Variants in RIBC2 observed in about 807,000 individuals in gnomAD.
The protein encoded by RIBC2 is RIB43A domain with coiled-coils 2, also known as RIB43A-like with coiled-coils protein 2.
RIBC2 carries 40 observed loss-of-function variants against 44.3 expected under a neutral mutation model. That is an observed-to-expected ratio of 0.90 (90% CI 0.70 to 1.18). The LOEUF is 1.18. Among genes scored for constraint, RIBC2 ranks in the 50% most tolerant of loss-of-function variants. RIBC2 has a pLI of 0.00. For synonymous variants in RIBC2, 171 were observed against 175.0 expected (o/e 0.98, Z 0.18); for missense variants, 459 against 485.5 (o/e 0.95, Z 0.51).
rs765224274 is a variant in RIBC2 at position 45,426,023 on chromosome 22, CT to C, written c.752del (p.Leu251ProfsTer31). 1.2e-6 allele frequency: 2 copies of C among 1,614,136 alleles called. No homozygotes were observed. Among genetic ancestry groups the C allele is most frequent in the African/African-American group, 2.7e-5 (2 of 75,068 alleles). ...GGACAACTTGGCCGAGATCACCAAC[CT>C]CCTGCGTGGGGACCTGCTCTCCGAG... ...QEDNLAEITN[L>X]LRGDLLSENP... On this transcript the variant is annotated frameshift_variant, in exon 5 of 7. Coordinates refer to ENST00000614167, the MANE Select transcript of RIBC2 (RefSeq NM_015653.5). LOFTEE classifies it high-confidence loss of function.
rs1425679727 is a variant in RIBC2 at position 45,421,536 on chromosome 22, TA to T, written c.557-752del. Among the ~76,000 whole-genome samples, 6 of 37,840 alleles carry T rather than the reference TA, an allele frequency of 1.6e-4. No individual in the cohort carries two copies. The African/African-American group carries it at 1.8e-3, about 11-fold the overall frequency. The allele number at this position is 37,840 out of a possible 152,430, so 24.8% of individuals were successfully genotyped here. On this transcript the variant is annotated intron_variant, in intron 3 of 6. Transcript: ENST00000614167. ...TTATTAATAATAATAATAGTATTAT[TA>T]ATAATATTAATAATAATAATAGTAT...
intron 3 of RIBC2, among the ~76,000 whole-genome samples, chr22:45,419,997 C>G (rs1013516909): frequency 6.6e-6 from 1 of 152,158 alleles, no homozygotes; most frequent in Non-Finnish European, 1.5e-5. Context: ...CTGCACTCCA[C>G]CCTGGGTGAG....
At position 45,417,693 on chromosome 22, in the gene RIBC2, C is replaced by T. The variant is rs868781409; in HGVS notation, c.303C>T (p.Asp101=). The T allele has an allele frequency of 1.9e-6, 3 of 1,614,108 alleles. No homozygotes were observed. Among genetic ancestry groups the T allele is most frequent in the African/African-American group, 1.3e-5 (1 of 75,022 alleles). ...DRKNLCRAIN[D]FQQSFQKPET... The stretch of plus-strand genomic sequence containing the variant: ...AAAATCTCTGTAGGGCTATCAATGA[C>T]TTCCAACAGAGCTTTCAGAAGCCAG... The change falls in exon 3 of 7, where the codon GAC becomes GAT. Residue 101 remains aspartate (D), a synonymous_variant. Transcript: ENST00000614167.
At chr22:45,432,083 G>T (rs1411114345) in intron 6 of RIBC2, among the ~76,000 whole-genome samples, 1 of 152,202 alleles carries the variant, frequency 6.6e-6, no homozygotes, top group Non-Finnish European at 1.5e-5. Context: ...TCTAACTGCA[G>T]TGTAATTAAA....
Position 45,432,400 on chromosome 22 carries a change from A to G in RIBC2, c.*38A>G. ...CCTTGTTCCCGTCATTCACGTATAA[A>G]GAGTGGCTACCTTAAAGAGTCACGT... is the stretch of plus-strand genomic sequence containing the variant. On this transcript the variant is annotated 3_prime_UTR_variant, in exon 7 of 7. Transcript: ENST00000614167. 7.4e-7 allele frequency: 1 copy of G among 1,353,386 alleles called. No individual in the cohort carries two copies. The highest frequency in any genetic ancestry group is 1.0e-6 in the Non-Finnish European group (1 of 956,622). The allele number at this position is 1,353,386 out of a possible 1,614,324, so 83.8% of individuals were successfully genotyped here. A position where few individuals can be genotyped will look rare whatever the true frequency, so the allele number is the denominator to read the frequency against.
chr22:45,424,330 C>T (rs937476340), intron 4 of RIBC2, among the ~76,000 whole-genome samples: 8 of 152,316 alleles, frequency 5.3e-5, no homozygotes, highest in East Asian at 3.9e-4. Flanking sequence ...GGGCTCATTT[C>T]GTCAGAGAGG....
intron 3 of RIBC2, 133 bp downstream of exon 3, chr22:45,418,079 G>A: frequency 1.5e-6 from 1 of 663,980 alleles, no homozygotes; most frequent in South Asian, 2.4e-5. Context: ...TGTGGGATTT[G>A]TTTAAAGTCC....
Position 45,422,335 on chromosome 22 carries a change from A to C in RIBC2, c.602A>C (p.Lys201Thr). ...ETRLQFDETA[K>T]HLQKLESTTR... is the part of the protein sequence containing the mutation. ...AGGCTGCAGTTTGACGAGACAGCCA[A>C]GCACCTCCAGAAGCTGGAAAGCACC... Residue 201 changes from lysine (K) to threonine (T), a missense_variant, in exon 4 of 7, where the codon AAG becomes ACG. Lys to Thr is a moderately conservative substitution (Grantham distance 78). Coordinates refer to ENST00000614167, the MANE Select transcript of RIBC2 (RefSeq NM_015653.5). 4 of 1,614,232 alleles carry C rather than the reference A, an allele frequency of 2.5e-6. No individual in the cohort carries two copies. The highest frequency in any genetic ancestry group is 3.4e-6 in the Non-Finnish European group (4 of 1,180,032).
chr22:45,425,808 A>G, intron 4 of RIBC2, 140 bp from the exon 5 acceptor site: 1 of 708,284 alleles, frequency 1.4e-6, no homozygotes, highest in Non-Finnish European at 2.4e-6. Flanking sequence ...TCCGTGCCTG[A>G]CAAGTCTCCC....
In RIBC2 at chr22:45,422,902, C is replaced by A. The variant is rs956063575; in HGVS notation, c.675+494C>A. ...CACCTCCTCTCTAAACTCTGGCCCC[C>A]CTCCTCCCACACACTCCCCTCCCCT... On this transcript the variant is annotated intron_variant, in intron 4 of 6. Coordinates refer to ENST00000614167, the MANE Select transcript of RIBC2 (RefSeq NM_015653.5). 2.8e-4 allele frequency among the ~76,000 whole-genome samples: 43 copies of A among 151,974 alleles called. 1 individual carries two copies. The highest frequency in any genetic ancestry group is 2.9e-5 in the Non-Finnish European group (2 of 67,986).
At chr22:45,426,702 G>C (rs2087537771) in intron 5 of RIBC2, among the ~76,000 whole-genome samples, 1 of 152,178 alleles carries the variant, frequency 6.6e-6, no homozygotes. Flanking sequence ...ATCTGACTTA[G>C]GTTGAACAGG....
intron 3 of RIBC2, among the ~76,000 whole-genome samples, chr22:45,421,956 C>T (rs186216121): frequency 3.7e-4 from 57 of 152,272 alleles, no homozygotes; most frequent in Middle Eastern, 3.4e-3. Context: ...CACCTGCTCC[C>T]AACCCACTTC....
chr22:45,421,060 G>A (rs2087472344), intron 3 of RIBC2, among the ~76,000 whole-genome samples: 1 of 152,160 alleles, frequency 6.6e-6, no homozygotes, highest in East Asian at 1.9e-4. Flanking sequence ...TACTTTGGGA[G>A]GCCAAAGTGG....
At chr22:45,415,624 T>TAA (rs1555936954) in intron 2 of RIBC2, among the ~76,000 whole-genome samples, 16 of 142,080 alleles carry the variant, frequency 1.1e-4, no homozygotes, top group South Asian at 4.6e-4. Context: ...TATATATATA[T>TAA]AACAACACTG....
Position 45,432,293 on chromosome 22 carries a change from TATGA to T in RIBC2, c.1086_1089del (p.Asn362LysfsTer33). Reference sequence around the variant, plus strand: ...CTCATTTTGTTATCAGGAAAAAATATATGAATGAAGTCTATACAAATCAACCCAC... The same window carrying T: ...CTCATTTTGTTATCAGGAAAAAATATATGAAGTCTATACAAATCAACCCAC... On this transcript the variant is annotated frameshift_variant, in exon 7 of 7. Transcript: ENST00000614167. LOFTEE classifies it high-confidence loss of function. The T allele has an allele frequency of 1.3e-6, 2 of 1,552,836 alleles. No homozygotes were observed. Among genetic ancestry groups the T allele is most frequent in the Non-Finnish European group, 8.8e-7 (1 of 1,137,094 alleles).
intron 6 of RIBC2, 59 bp from the exon 7 acceptor site, chr22:45,432,225 A>AT: frequency 1.1e-6 from 1 of 884,018 alleles, no homozygotes; most frequent in Non-Finnish European, 1.7e-6. Flanking sequence ...AAAAAAAAAA[A>AT]GAAAGAATAG....
At chr22:45,423,919 C>G (rs991441910) in intron 4 of RIBC2, among the ~76,000 whole-genome samples, 10 of 152,156 alleles carry the variant, frequency 6.6e-5, no homozygotes, top group African/African-American at 2.4e-4. Flanking sequence ...TCTGCTCATT[C>G]ATTTATGGAA....
intron 4 of RIBC2, among the ~76,000 whole-genome samples, chr22:45,424,560 C>G (rs1226686096): frequency 6.6e-6 from 1 of 152,188 alleles, no homozygotes; most frequent in Non-Finnish European, 1.5e-5. Flanking sequence ...AGTTGATGTT[C>G]CATGCATGCT....
At chr22:45,429,914 T>A (rs1395161813) in intron 5 of RIBC2, among the ~76,000 whole-genome samples, 2 of 152,174 alleles carry the variant, frequency 1.3e-5, no homozygotes, top group Non-Finnish European at 2.9e-5. Flanking sequence ...CATCCCCTTT[T>A]CTATGCTTGG....
Sources: gnomAD v4.1 joint callset for allele counts (sites outside exome capture counted in the v4.1 genomes callset) on GRCh38, gnomAD v4.1.1 for gene constraint, MANE v1.5 for transcripts, NCBI Gene and HGNC (gene_info 2026-07-23, HGNC 2026-07-21) for gene names.